Variants in SENP5 observed in about 807,000 individuals in gnomAD.
SENP5 encodes sentrin-specific protease 5.
Under a neutral mutation model 74.2 loss-of-function variants are expected in SENP5, and 21 were observed. That is an observed-to-expected ratio of 0.28 (90% CI 0.20 to 0.41). The LOEUF is 0.41. Among genes scored for constraint, SENP5 ranks in the 10% least tolerant of loss-of-function variants. The probability of loss-of-function intolerance (pLI) is 1.00; values close to 1 mark genes in which losing one functional copy is unlikely to be tolerated. For missense variants in SENP5, 717 were observed against 889.1 expected (o/e 0.81, Z 2.46); for synonymous variants, 311 against 312.7 (o/e 0.99, Z 0.06).
chr3:196,875,109 C>A (rs904484656), intron 1 of SENP5, among the ~76,000 whole-genome samples: 5 of 152,152 alleles, frequency 3.3e-5, no homozygotes, highest in Admixed American at 6.5e-5. Flanking sequence ...ATGTGAAAGA[C>A]TAAAGGCATA....
intron 2 of SENP5, among the ~76,000 whole-genome samples, chr3:196,898,072 C>T (rs113278413): frequency 2.7e-5 from 4 of 149,896 alleles, no homozygotes; most frequent in East Asian, 2.0e-4. Context: ...CAGCTACTCA[C>T]GAGGCTGAGG....
chr3:196,914,879 C>T (rs1213264057), intron 6 of SENP5, among the ~76,000 whole-genome samples: 1 of 151,998 alleles, frequency 6.6e-6, no homozygotes, highest in Non-Finnish European at 1.5e-5. Flanking sequence ...CTACACCACC[C>T]CTTCCCTATC....
chr3:196,900,679 G>A (rs199517487), intron 5 of SENP5, among the ~76,000 whole-genome samples: 3 of 152,020 alleles, frequency 2.0e-5, no homozygotes, highest in Admixed American at 1.3e-4. Flanking sequence ...TCCACCTCCC[G>A]GGTTCAAGCG....
chr3:196,931,692 T>G lies in SENP5; in HGVS notation c.*769T>G. The G allele has an allele frequency of 3.6e-6, 1 of 274,360 alleles. No individual in the cohort carries two copies. Among genetic ancestry groups the G allele is most frequent in the South Asian group, 3.1e-5 (1 of 32,244 alleles). The allele number at this position is 274,360 out of a possible 1,614,324, so 17.0% of individuals were successfully genotyped here. ...TTGCTGGGATATTGAATTCCCTGAA[T>G]TTTTCTGTTTTCGACCTGTTAAAAA... On this transcript the variant is annotated 3_prime_UTR_variant, in exon 10 of 10. Transcript: ENST00000323460.
At chr3:196,877,131 G>A (rs1208080546) in intron 1 of SENP5, among the ~76,000 whole-genome samples, 2 of 151,964 alleles carry the variant, frequency 1.3e-5, no homozygotes, top group Non-Finnish European at 2.9e-5. Context: ...ACCAGTCTGG[G>A]CAACATAGTG....
intron 1 of SENP5, among the ~76,000 whole-genome samples, chr3:196,882,591 C>T (rs1475381925): frequency 6.6e-6 from 1 of 152,108 alleles, no homozygotes; most frequent in East Asian, 1.9e-4. Flanking sequence ...ACAACCTCTG[C>T]CTCCCAGGTT....
chr3:196,884,205 A>G (rs1310410027), intron 1 of SENP5, among the ~76,000 whole-genome samples: 1 of 152,230 alleles, frequency 6.6e-6, no homozygotes. Context: ...CTCAAGAGGG[A>G]AGCCACGCTC....
rs141895795 is a variant in SENP5, at chr3:196,885,499, C to T, written c.318C>T (p.Ser106=). Residue 106 remains serine, a synonymous_variant, in exon 2 of 10, where the codon TCC becomes TCT. Transcript: ENST00000323460. ...GAAAGGACGCTAAACACTTCATTTCCTCCTCAAAGACTCTCCTGAGACTCC... is the reference window on the plus strand; with the variant it reads ...GAAAGGACGCTAAACACTTCATTTCTTCCTCAAAGACTCTCCTGAGACTCC... The part of the protein sequence containing the change: ...VKRKDAKHFI[S]SSKTLLRLQA... 1.2e-6 allele frequency: 2 copies of T among 1,614,110 alleles called. No homozygotes were observed. The highest frequency in any genetic ancestry group is 8.5e-7 in the Non-Finnish European group (1 of 1,180,020).
chr3:196,915,252 T>C (rs2108853738), intron 6 of SENP5, among the ~76,000 whole-genome samples: 1 of 152,366 alleles, frequency 6.6e-6, no homozygotes, highest in Non-Finnish European at 1.5e-5. Context: ...ACACCAGCTC[T>C]GGTAGTGAAG....
chr3:196,871,995 C>T (rs1713237189), intron 1 of SENP5, among the ~76,000 whole-genome samples: 1 of 152,200 alleles, frequency 6.6e-6, no homozygotes, highest in African/African-American at 2.4e-5. Flanking sequence ...AGCAGTCTGC[C>T]CGCCTTGGCC....
chr3:196,908,218 T>A (rs1011503566), intron 6 of SENP5, among the ~76,000 whole-genome samples: 1 of 152,158 alleles, frequency 6.6e-6, no homozygotes, highest in Non-Finnish European at 1.5e-5. Flanking sequence ...AGGTCGAGGC[T>A]GCAGTGAACC....
At chr3:196,899,015 C>T (rs1409171152) in intron 2 of SENP5, among the ~76,000 whole-genome samples, 6 of 149,210 alleles carry the variant, frequency 4.0e-5, no homozygotes, top group South Asian at 2.1e-4. Context: ...GGAGGTGGAG[C>T]TTGTAGTGAG....
intron 2 of SENP5, 59 bp downstream of exon 2, chr3:196,886,753 C>G (rs1436654335): frequency 2.5e-5 from 34 of 1,376,594 alleles, no homozygotes; most frequent in African/African-American, 5.8e-5. Context: ...TGTGCATTAT[C>G]CTTGCTAATA....
chr3:196,896,430 C>T (rs1008610746), intron 2 of SENP5, among the ~76,000 whole-genome samples: 4 of 150,698 alleles, frequency 2.7e-5, no homozygotes, highest in Admixed American at 2.0e-4. Context: ...CTCAAAGCTT[C>T]TAATGTCTCC....
chr3:196,921,904 C>G (rs1023223785), intron 6 of SENP5, among the ~76,000 whole-genome samples: 1 of 152,210 alleles, frequency 6.6e-6, no homozygotes, highest in Admixed American at 6.5e-5. Flanking sequence ...CTAAAAAATA[C>G]CTGAGAAGGG....
At chr3:196,926,749 A>C (rs563334478) in intron 7 of SENP5, among the ~76,000 whole-genome samples, 2 of 147,712 alleles carry the variant, frequency 1.4e-5, no homozygotes, top group Non-Finnish European at 3.0e-5. Flanking sequence ...AGCGATTCTC[A>C]TGTCTCAGCC....
intron 6 of SENP5, among the ~76,000 whole-genome samples, chr3:196,919,973 T>G (rs2108859426): frequency 6.6e-6 from 1 of 152,364 alleles, no homozygotes; most frequent in East Asian, 1.9e-4. Flanking sequence ...ACAGTATTAC[T>G]GTGTCTTCAT....
intron 1 of SENP5, among the ~76,000 whole-genome samples, chr3:196,871,232 G>C (rs955293731): frequency 2.0e-5 from 3 of 152,102 alleles, no homozygotes; most frequent in Non-Finnish European, 2.9e-5. Context: ...TCAGAGTCTA[G>C]AGAGACCTGG....
rs994200405 is a variant in SENP5 at position 196,899,942 on chromosome 3, G to A, written c.1638G>A (p.Arg546=). The change falls in exon 4 of 10, where the codon AGG becomes AGA. Residue 546 remains arginine (R), a synonymous_variant. Coordinates refer to ENST00000323460, the MANE Select transcript of SENP5 (RefSeq NM_152699.5). ...CTTTCAGAAAACCATTTATCAATAGGGAAATAACAAACTATCGGGCCAGAC... is the reference window on the plus strand; with the variant it reads ...CTTTCAGAAAACCATTTATCAATAGAGAAATAACAAACTATCGGGCCAGAC... ...DFSNRKPFIN[R]EITNYRARHQ... The A allele has an allele frequency of 2.5e-6, 4 of 1,613,338 alleles. No individual in the cohort carries two copies. In the Middle Eastern group the frequency reaches 6.6e-4, roughly 266 times the overall value.
Sources: allele counts gnomAD v4.1 joint callset (sites outside exome capture counted in the v4.1 genomes callset), GRCh38; gene constraint gnomAD v4.1.1; transcripts MANE v1.5; gene names NCBI Gene and HGNC (gene_info 2026-07-23, HGNC 2026-07-21).